The following GLRB variants were observed in gnomAD, a reference collection of about 807,000 sequenced individuals.
GLRB encodes the protein glycine receptor subunit beta.
A neutral mutation model predicts 54.2 loss-of-function variants in GLRB; 33 were observed. The ratio of observed to expected loss-of-function variants is 0.61; its 90% CI spans 0.46 to 0.81. The LOEUF is 0.81. GLRB is among the 40% of genes least tolerant of loss of function. The pLI is 0.00. For synonymous variants in GLRB, 209 were observed against 208.2 expected, an observed-to-expected ratio of 1.00 and a Z score of -0.03; for missense variants, 572 against 584.6, an observed-to-expected ratio of 0.98 and a Z score of 0.22.
intron 4 of GLRB, among the ~76,000 whole-genome samples, chr4:157,129,464 T>C (rs1486762096): frequency 1.3e-5 from 2 of 151,814 alleles, no homozygotes; most frequent in Non-Finnish European, 2.9e-5. Flanking sequence ...TTTTATCTTT[T>C]CATGAATGTT....
rs531400469 is a variant in GLRB, at chr4:157,158,180, G to T, written c.1197+5170G>T. On this transcript the variant is annotated intron_variant, in intron 9 of 9. Coordinates refer to ENST00000264428, the MANE Select transcript of GLRB (RefSeq NM_000824.5). ...ATATCCTTTGCCCACTTTTTGATGGGTTTTTTTTTCTTGTAAATTTGTTTA... is the reference window on the plus strand; with the variant it reads ...ATATCCTTTGCCCACTTTTTGATGGTTTTTTTTTTCTTGTAAATTTGTTTA... Among the ~76,000 whole-genome samples, 169 of 150,402 alleles carry T rather than the reference G, an allele frequency of 1.1e-3. 1 individual carries two copies. Among genetic ancestry groups the T allele is most frequent in the Non-Finnish European group, 1.8e-3 (119 of 67,222 alleles).
intron 2 of GLRB, among the ~76,000 whole-genome samples, chr4:157,089,129 C>T (rs1449341886): frequency 6.6e-6 from 1 of 152,184 alleles, no homozygotes; most frequent in Non-Finnish European, 1.5e-5. Flanking sequence ...ATGGCTCACC[C>T]TTGTAATCTC....
chr4:157,153,489 G>A (rs1166977274), intron 9 of GLRB, among the ~76,000 whole-genome samples: 1 of 152,186 alleles, frequency 6.6e-6, no homozygotes, highest in Non-Finnish European at 1.5e-5. Context: ...TTCACATGGA[G>A]CATGTCAGGC....
At position 157,168,193 on chromosome 4, in the gene GLRB, A is replaced by T. The variant is rs550723203; in HGVS notation, c.1198-2239A>T. Among the ~76,000 whole-genome samples the T allele has an allele frequency of 5.3e-5, 8 of 151,738 alleles. No homozygotes were observed. In the East Asian group the frequency reaches 1.6e-3, roughly 29 times the overall value. ...GACTAAAGCCTGTCCGTACTTCTTGATGCCATGCAGATGTAGGCACTGCTC... is the reference window on the plus strand; with the variant it reads ...GACTAAAGCCTGTCCGTACTTCTTGTTGCCATGCAGATGTAGGCACTGCTC... On this transcript the variant is annotated intron_variant, in intron 9 of 9. Coordinates refer to ENST00000264428, the MANE Select transcript of GLRB (RefSeq NM_000824.5).
intron 2 of GLRB, among the ~76,000 whole-genome samples, chr4:157,081,276 C>G (rs536865784): frequency 3.9e-5 from 6 of 152,238 alleles, no homozygotes; most frequent in African/African-American, 1.2e-4. Flanking sequence ...TCTGATTTTT[C>G]ATTCTACCTG....
intron 4 of GLRB, among the ~76,000 whole-genome samples, chr4:157,125,179 T>C (rs1735973315): frequency 6.6e-6 from 1 of 151,872 alleles, no homozygotes; most frequent in Admixed American, 6.6e-5. Flanking sequence ...TATACATGTC[T>C]GGACAGGAGT....
chr4:157,121,309 C>A (rs1167212468), intron 3 of GLRB, among the ~76,000 whole-genome samples: 1 of 151,564 alleles, frequency 6.6e-6, no homozygotes, highest in Non-Finnish European at 1.5e-5. Context: ...AAGCCATGAG[C>A]AGATTGTGCA....
intron 6 of GLRB, among the ~76,000 whole-genome samples, chr4:157,138,162 T>C (rs112309959): frequency 0.12 from 18,087 of 152,056 alleles, 2,591 homozygotes; most frequent in African/African-American, 0.35. Context: ...ACCTCCACTT[T>C]GCGGGTTCAA....
intron 8 of GLRB, among the ~76,000 whole-genome samples, chr4:157,148,384 A>T (rs1177687763): frequency 6.6e-6 from 1 of 151,940 alleles, no homozygotes; most frequent in Non-Finnish European, 1.5e-5. Flanking sequence ...ATTTTTAGCT[A>T]TGTTTATTAT....
intron 9 of GLRB, among the ~76,000 whole-genome samples, chr4:157,157,880 G>A (rs758749801): frequency 6.6e-5 from 10 of 152,140 alleles, no homozygotes; most frequent in Non-Finnish European, 1.3e-4. Context: ...GGGTCAAATG[G>A]CATTTCTAGT....
chr4:157,130,030 A>G (rs970562333), intron 4 of GLRB, among the ~76,000 whole-genome samples: 3 of 151,686 alleles, frequency 2.0e-5, no homozygotes, highest in Non-Finnish European at 3.0e-5. Flanking sequence ...ATAAAATGAA[A>G]AAGTTTTTTA....
intron 2 of GLRB, among the ~76,000 whole-genome samples, chr4:157,105,360 C>T (rs762900018): frequency 6.6e-6 from 1 of 152,010 alleles, no homozygotes; most frequent in Non-Finnish European, 1.5e-5. Flanking sequence ...TTTCCAGTTT[C>T]ATTCCATTGT....
rs1011117593 is a variant in GLRB, at chr4:157,171,652, TAA to T, written c.*925_*926del. 7.2e-5 allele frequency: 11 copies of T among 152,390 alleles called. No homozygotes were observed. The highest frequency in any genetic ancestry group is 2.7e-4 in the African/African-American group (11 of 41,452). 9.4% of individuals were successfully genotyped at this position (152,390 alleles called of 1,614,324 possible). ...GAAATCCATAACTATTAAAAGATTTTAACTTTTTTATTTTATTAAAATGCTTG... is the reference window on the plus strand; with the variant it reads ...GAAATCCATAACTATTAAAAGATTTTCTTTTTTATTTTATTAAAATGCTTG... On this transcript the variant is annotated 3_prime_UTR_variant, in exon 10 of 10. Transcript: ENST00000264428.
At chr4:157,133,520 T>A (rs1417400291) in intron 4 of GLRB, among the ~76,000 whole-genome samples, 1 of 152,006 alleles carries the variant, frequency 6.6e-6, no homozygotes, top group Non-Finnish European at 1.5e-5. Context: ...TATGTTTGAC[T>A]GATGTTCAAT....
At chr4:157,146,411 T>A (rs1467783454) in intron 8 of GLRB, among the ~76,000 whole-genome samples, 1 of 152,192 alleles carries the variant, frequency 6.6e-6, no homozygotes, top group Non-Finnish European at 1.5e-5. Context: ...CTTACTTTGT[T>A]GAGAACAGAA....
chr4:157,125,817 G>A (rs1472899611), intron 4 of GLRB, among the ~76,000 whole-genome samples: 1 of 151,848 alleles, frequency 6.6e-6, no homozygotes, highest in African/African-American at 2.4e-5. Flanking sequence ...GCATGGTGGT[G>A]CACACCAGTA....
chr4:157,149,176 A>T (rs1010345526), intron 8 of GLRB, among the ~76,000 whole-genome samples: 11 of 152,152 alleles, frequency 7.2e-5, no homozygotes, highest in Non-Finnish European at 1.5e-4. Context: ...ATGTTCTAAA[A>T]GTTAGCAGAC....
At chr4:157,108,442 C>G (rs962631398) in intron 2 of GLRB, among the ~76,000 whole-genome samples, 1 of 112,002 alleles carries the variant, frequency 8.9e-6, no homozygotes, top group Non-Finnish European at 2.0e-5. Context: ...TTGATTATAA[C>G]TTTTTTGGAT....
At chr4:157,160,610 A>G (rs541763963) in intron 9 of GLRB, among the ~76,000 whole-genome samples, 2,548 of 151,990 alleles carry the variant, frequency 0.017, 59 homozygotes, top group African/African-American at 0.057. Context: ...ACTCAGGAGC[A>G]GGTTGTTCAG....
Sources: allele counts gnomAD v4.1 joint callset (sites outside exome capture counted in the v4.1 genomes callset), GRCh38; gene constraint gnomAD v4.1.1; transcripts MANE v1.5; gene names NCBI Gene and HGNC (gene_info 2026-07-23, HGNC 2026-07-21).